The following CDH12 variants were observed in gnomAD, a reference collection of about 807,000 sequenced individuals.
CDH12 encodes the protein cadherin 12.
CDH12 carries 41 observed loss-of-function variants against 74.1 expected under a neutral mutation model. That is an observed-to-expected ratio of 0.55 (90% CI 0.43 to 0.72). CDH12 has a LOEUF of 0.72. Among genes scored for constraint, CDH12 ranks in the 30% least tolerant of loss-of-function variants. The pLI, the probability that CDH12 is intolerant of heterozygous loss-of-function variation, is 0.00. For synonymous variants in CDH12, 399 were observed against 355.0 expected, an observed-to-expected ratio of 1.12 and a Z score of -1.39; for missense variants, 945 against 977.2, an observed-to-expected ratio of 0.97 and a Z score of 0.44.
intron 3 of CDH12, among the ~76,000 whole-genome samples, chr5:22,217,997 T>C (rs1751881099): frequency 6.6e-6 from 1 of 151,622 alleles, no homozygotes; most frequent in Non-Finnish European, 1.5e-5. Context: ...AATTCATAAC[T>C]ATTTAACTAT....
intron 6 of CDH12, among the ~76,000 whole-genome samples, chr5:21,947,803 C>T (rs4519886): frequency 0.18 from 26,764 of 152,156 alleles, 2,868 homozygotes; most frequent in African/African-American, 0.3. Flanking sequence ...ACAGACCCAG[C>T]GGCCTCTGAG....
chr5:21,973,897 A>C (rs1384268219), intron 6 of CDH12, among the ~76,000 whole-genome samples: 1 of 152,194 alleles, frequency 6.6e-6, no homozygotes, highest in East Asian at 1.9e-4. Context: ...TAAAACAGGC[A>C]ACCCCAAAAG....
chr5:22,186,156 T>C (rs1458655493), intron 4 of CDH12, among the ~76,000 whole-genome samples: 1 of 152,260 alleles, frequency 6.6e-6, no homozygotes, highest in Non-Finnish European at 1.5e-5. Flanking sequence ...TGCCTTCTTG[T>C]ATGTGCGGCA....
chr5:22,376,489 C>T lies in CDH12; in HGVS notation c.-333+28768G>A, dbSNP rs945716354. Among the ~76,000 whole-genome samples the T allele has an allele frequency of 3.9e-5, 6 of 152,058 alleles. No homozygotes were observed. The South Asian group carries it at 8.3e-4, about 21-fold the overall frequency. On this transcript the variant is annotated intron_variant, in intron 3 of 14. Transcript: ENST00000382254. ...CTAACACAAAGAAATGACATATTCT[C>T]ATTGTGATGATACATTACATACCCT...
At chr5:22,808,762 GTTTTT>G (rs70959757) in intron 1 of CDH12, among the ~76,000 whole-genome samples, 1 of 41,726 alleles carries the variant, frequency 2.4e-5, no homozygotes, top group African/African-American at 7.3e-5. Context: ...ACCACACCTG[GTTTTT>G]TTTTTTTTTT....
chr5:22,758,335 C>T (rs1396106383), intron 1 of CDH12, among the ~76,000 whole-genome samples: 1 of 152,166 alleles, frequency 6.6e-6, no homozygotes, highest in Non-Finnish European at 1.5e-5. Flanking sequence ...CTACCTTAGA[C>T]CCTTCTGGCG....
At chr5:21,910,403 C>T (rs976682117) in intron 6 of CDH12, among the ~76,000 whole-genome samples, 6 of 152,056 alleles carry the variant, frequency 3.9e-5, no homozygotes, top group Admixed American at 6.6e-5. Context: ...ACAGTGACGC[C>T]GCACCTGCCA....
chr5:21,940,775 A>C (rs556825453), intron 6 of CDH12, among the ~76,000 whole-genome samples: 23 of 152,086 alleles, frequency 1.5e-4, no homozygotes, highest in Non-Finnish European at 3.2e-4. Context: ...ATCCACGTGT[A>C]ATTGTCACAG....
At chr5:22,419,649 G>A (rs559341501) in intron 2 of CDH12, among the ~76,000 whole-genome samples, 1 of 152,078 alleles carries the variant, frequency 6.6e-6, no homozygotes, top group African/African-American at 2.4e-5. Flanking sequence ...GATTTATATT[G>A]CTTTGGGTAT....
intron 3 of CDH12, among the ~76,000 whole-genome samples, chr5:22,387,265 A>G (rs942299288): frequency 4.0e-5 from 6 of 151,732 alleles, no homozygotes; most frequent in Non-Finnish European, 5.9e-5. Flanking sequence ...AAACATTACA[A>G]TTTTTAAAAA....
At chr5:22,367,680 T>C (rs1180176210) in intron 3 of CDH12, among the ~76,000 whole-genome samples, 2 of 152,332 alleles carry the variant, frequency 1.3e-5, no homozygotes, top group Admixed American at 6.5e-5. Context: ...TTATGCTTTA[T>C]ATTTTTATGT....
At chr5:22,108,024 T>C (rs1049132445) in intron 4 of CDH12, among the ~76,000 whole-genome samples, 1 of 152,204 alleles carries the variant, frequency 6.6e-6, no homozygotes, top group Non-Finnish European at 1.5e-5. Context: ...TTAACAAATA[T>C]AATTTTTGCA....
rs114773161 is a variant in CDH12 at position 21,863,621 on chromosome 5, T to C, written c.527-8831A>G. ...CAGAATTCTGTAAAGAGTGACCTGG[T>C]AGCTGGTTATGATCTTTAGAGTCAT... On this transcript the variant is annotated intron_variant, in intron 6 of 14. Transcript: ENST00000382254. Among the ~76,000 whole-genome samples, 1,016 of 152,262 alleles carry C rather than the reference T, an allele frequency of 6.7e-3. 8 individuals are homozygous for C. Among genetic ancestry groups the C allele is most frequent in the African/African-American group, 0.023 (957 of 41,546 alleles).
At chr5:22,582,505 A>T (rs1393063265) in intron 1 of CDH12, among the ~76,000 whole-genome samples, 1 of 152,108 alleles carries the variant, frequency 6.6e-6, no homozygotes, top group Non-Finnish European at 1.5e-5. Context: ...ATAGCATGGG[A>T]TCTATTAATT....
chr5:22,340,690 A>T (rs1739812221), intron 3 of CDH12, among the ~76,000 whole-genome samples: 2 of 152,216 alleles, frequency 1.3e-5, no homozygotes, highest in Non-Finnish European at 2.9e-5. Flanking sequence ...AGAAGCTGTT[A>T]AATATTCTAT....
chr5:21,891,694 T>C (rs1285562864), intron 6 of CDH12, among the ~76,000 whole-genome samples: 2 of 151,998 alleles, frequency 1.3e-5, no homozygotes, highest in Non-Finnish European at 2.9e-5. Context: ...GTAGCCAAAA[T>C]AGTTGAATTT....
chr5:22,567,448 A>G (rs1739341108), intron 1 of CDH12, among the ~76,000 whole-genome samples: 1 of 152,234 alleles, frequency 6.6e-6, no homozygotes, highest in Admixed American at 6.5e-5. Flanking sequence ...AGGGTATAAG[A>G]AACTTATTAC....
chr5:21,760,754 G>A, intron 12 of CDH12, 79 bp from the exon 13 acceptor site: 1 of 845,166 alleles, frequency 1.2e-6, no homozygotes. Flanking sequence ...TGTATTTAAT[G>A]AAGCATGCAA....
intron 11 of CDH12, among the ~76,000 whole-genome samples, chr5:21,766,095 T>C (rs973281746): frequency 6.6e-6 from 1 of 152,050 alleles, no homozygotes; most frequent in Non-Finnish European, 1.5e-5. Context: ...CAAAGACTTA[T>C]AATATTCTTT....
Sources: allele counts gnomAD v4.1 joint callset (sites outside exome capture counted in the v4.1 genomes callset), GRCh38; gene constraint gnomAD v4.1.1; transcripts MANE v1.5; gene names NCBI Gene and HGNC (gene_info 2026-07-23, HGNC 2026-07-21).